Variants in ATP8A1 observed in about 807,000 individuals in gnomAD.
The protein encoded by ATP8A1 is phospholipid-transporting ATPase IA.
ATP8A1 carries 90 observed loss-of-function variants against 177.7 expected under a neutral mutation model. The ratio of observed to expected loss-of-function variants is 0.51; its 90% CI spans 0.43 to 0.60. The LOEUF is 0.60. ATP8A1 is among the 20% of genes least tolerant of loss of function. The pLI is 0.00. For synonymous variants in ATP8A1, 493 were observed against 485.9 expected, an observed-to-expected ratio of 1.01 and a Z score of -0.19; for missense variants, 1,072 against 1,392.8, an observed-to-expected ratio of 0.77 and a Z score of 3.67.
At chr4:42,600,257 AAAAC>A (rs1475593319) in intron 6 of ATP8A1, among the ~76,000 whole-genome samples, 5 of 152,234 alleles carry the variant, frequency 3.3e-5, no homozygotes, top group Non-Finnish European at 7.3e-5. Flanking sequence ...TACTATGAAA[AAAAC>A]AAAAAGTTCT....
At chr4:42,626,249 A>G (rs76735537) in intron 2 of ATP8A1, 3,199 of 152,400 alleles carry the variant, frequency 0.021, 57 homozygotes, top group South Asian at 0.06. Flanking sequence ...CATCAGTAAG[A>G]TATCACTACT....
At chr4:42,588,122 A>G (rs1243486278) in intron 8 of ATP8A1, 138 bp downstream of exon 8, 1 of 607,748 alleles carries the variant, frequency 1.6e-6, no homozygotes, top group Admixed American at 3.4e-5. Context: ...CCAGTTTATA[A>G]AACCTCTTTG....
chr4:42,547,939 C>A (rs375241316), intron 19 of ATP8A1, among the ~76,000 whole-genome samples: 1 of 152,138 alleles, frequency 6.6e-6, no homozygotes, highest in Non-Finnish European at 1.5e-5. Flanking sequence ...TTCCTCATGG[C>A]CTTAATTCTG....
chr4:42,518,661 CTGACATGCTAAGTCCAATAA>C (rs1294551821), intron 22 of ATP8A1, among the ~76,000 whole-genome samples: 1 of 152,202 alleles, frequency 6.6e-6, no homozygotes, highest in South Asian at 2.1e-4. Flanking sequence ...GATTCACTGT[CTGACATGCTAAGTCCAATAA>C]TGACATGCTA....
chr4:42,645,651 T>C (rs1740453103), intron 1 of ATP8A1, among the ~76,000 whole-genome samples: 1 of 152,210 alleles, frequency 6.6e-6, no homozygotes, highest in African/African-American at 2.4e-5. Flanking sequence ...AAAAACAATT[T>C]ACATTTCACA....
In ATP8A1 at chr4:42,622,581, GA is replaced by G. The variant is rs201271897; in HGVS notation, c.363+1954del. On this transcript the variant is annotated intron_variant, in intron 4 of 36. Transcript: ENST00000381668. ...TAAAGAGCTTTTGCACAGCAAAAAA[GA>G]AAAAAAAACAACAGAGTAAACAGAC... Among the ~76,000 whole-genome samples, 405 of 149,672 alleles carry G rather than the reference GA, an allele frequency of 2.7e-3. 3 individuals carry two copies. Among genetic ancestry groups the G allele is most frequent in the Admixed American group, 7.6e-3 (115 of 15,052 alleles).
intron 22 of ATP8A1, among the ~76,000 whole-genome samples, chr4:42,517,375 C>T (rs963545709): frequency 1.3e-5 from 2 of 151,624 alleles, no homozygotes; most frequent in Non-Finnish European, 2.9e-5. Flanking sequence ...ATTATGAGTC[C>T]TAATATGTTG....
intron 22 of ATP8A1, among the ~76,000 whole-genome samples, chr4:42,510,231 A>T (rs1724875118): frequency 6.6e-6 from 1 of 152,204 alleles, no homozygotes; most frequent in Non-Finnish European, 1.5e-5. Context: ...ACAGGAAGGT[A>T]AATTTCTTTC....
At chr4:42,618,859 T>C (rs1737172648) in intron 4 of ATP8A1, among the ~76,000 whole-genome samples, 1 of 152,192 alleles carries the variant, frequency 6.6e-6, no homozygotes, top group Non-Finnish European at 1.5e-5. Context: ...TTCATTTTTT[T>C]TACACTAACA....
At chr4:42,635,126 T>A (rs1168657700) in intron 1 of ATP8A1, among the ~76,000 whole-genome samples, 1 of 152,126 alleles carries the variant, frequency 6.6e-6, no homozygotes, top group East Asian at 1.9e-4. Flanking sequence ...AAATAATAAA[T>A]TTTGCCATAT....
At chr4:42,625,894 G>A (rs936917682) in intron 2 of ATP8A1, 181 bp from the exon 3 acceptor site, 3 of 414,326 alleles carry the variant, frequency 7.2e-6, no homozygotes, top group African/African-American at 2.1e-5. Context: ...TTAAATAAAT[G>A]GTAAAGCATG....
chr4:42,440,479 C>T (rs1716501224), intron 33 of ATP8A1, among the ~76,000 whole-genome samples: 2 of 151,788 alleles, frequency 1.3e-5, no homozygotes, highest in Admixed American at 6.6e-5. Flanking sequence ...TTTCATTACT[C>T]ATTGTATTTA....
chr4:42,421,716 T>C (rs1367025602), intron 35 of ATP8A1, among the ~76,000 whole-genome samples: 8 of 152,198 alleles, frequency 5.3e-5, no homozygotes, highest in Middle Eastern at 3.4e-3. Flanking sequence ...TCAAAATGGA[T>C]AACAACAGTG....
At chr4:42,624,231 G>C (rs1737804650) in intron 4 of ATP8A1, among the ~76,000 whole-genome samples, 1 of 151,930 alleles carries the variant, frequency 6.6e-6, no homozygotes, top group Non-Finnish European at 1.5e-5. Flanking sequence ...ATAATTTGGA[G>C]GGTTTTTCAT....
At chr4:42,578,567 T>C (rs1478164812) in intron 11 of ATP8A1, among the ~76,000 whole-genome samples, 180 bp from the exon 12 acceptor site, 1 of 152,154 alleles carries the variant, frequency 6.6e-6, no homozygotes, top group Non-Finnish European at 1.5e-5. Flanking sequence ...TTGCATTGTG[T>C]TCAATATGTT....
intron 6 of ATP8A1, among the ~76,000 whole-genome samples, chr4:42,597,114 T>C (rs1181302445): frequency 6.6e-6 from 1 of 152,140 alleles, no homozygotes; most frequent in Non-Finnish European, 1.5e-5. Context: ...AGATGCATGC[T>C]AGGCAAATTT....
chr4:42,444,689 A>G, intron 31 of ATP8A1, 55 bp from the exon 32 acceptor site: 2 of 1,516,950 alleles, frequency 1.3e-6, no homozygotes, highest in South Asian at 1.1e-5. Flanking sequence ...AGTTCATCAA[A>G]TGACTGAAGG....
intron 1 of ATP8A1, among the ~76,000 whole-genome samples, chr4:42,645,051 T>C (rs1327287606): frequency 6.6e-6 from 1 of 152,194 alleles, no homozygotes; most frequent in African/African-American, 2.4e-5. Flanking sequence ...AAAAAACTAG[T>C]AATGACACTG....
chr4:42,506,875 T>C, intron 23 of ATP8A1, 141 bp downstream of exon 23: 5 of 984,264 alleles, frequency 5.1e-6, no homozygotes, highest in Non-Finnish European at 7.5e-6. Flanking sequence ...GAGGCAGAGA[T>C]GCAATGGTGA....
Sources: gnomAD v4.1 joint callset for allele counts (sites outside exome capture counted in the v4.1 genomes callset) on GRCh38, gnomAD v4.1.1 for gene constraint, MANE v1.5 for transcripts, NCBI Gene and HGNC (gene_info 2026-07-23, HGNC 2026-07-21) for gene names.